The following DCLK1 variants were observed in gnomAD, a reference collection of about 807,000 sequenced individuals.
DCLK1 encodes the protein serine/threonine-protein kinase DCLK1.
Under a neutral mutation model 86.2 loss-of-function variants are expected in DCLK1, and 16 were observed. The ratio of observed to expected loss-of-function variants is 0.19; its 90% confidence interval spans 0.13 to 0.28. DCLK1 has a LOEUF of 0.28. Ranked by LOEUF, DCLK1 falls within the 10% of genes least tolerant of loss-of-function variation. The probability of loss-of-function intolerance (pLI) is 1.00; values close to 1 mark genes in which losing one functional copy is unlikely to be tolerated. For missense variants in DCLK1, 590 were observed against 940.2 expected, an observed-to-expected ratio of 0.63 and a Z score of 4.87; for synonymous variants, 369 against 370.5, an observed-to-expected ratio of 1.00 and a Z score of 0.05.
chr13:36,069,592 C>T (rs1201725180), intron 3 of DCLK1, among the ~76,000 whole-genome samples: 1 of 152,138 alleles, frequency 6.6e-6, no homozygotes, highest in Non-Finnish European at 1.5e-5. Context: ...TTCCCATCCC[C>T]TCCACCCATC....
chr13:35,816,499 C>T (rs1314429896), intron 11 of DCLK1, among the ~76,000 whole-genome samples: 2 of 152,178 alleles, frequency 1.3e-5, no homozygotes, highest in African/African-American at 4.8e-5. Flanking sequence ...ATTTATTGTA[C>T]ACACAGGACA....
intron 4 of DCLK1, among the ~76,000 whole-genome samples, chr13:35,932,189 CTTTT>C (rs1209118770): frequency 6.6e-6 from 1 of 152,068 alleles, no homozygotes; most frequent in Non-Finnish European, 1.5e-5. Flanking sequence ...AGAAATTTAC[CTTTT>C]TCCTTCTGTC....
chr13:35,947,842 A>G (rs527557608), intron 3 of DCLK1, among the ~76,000 whole-genome samples: 1 of 152,340 alleles, frequency 6.6e-6, no homozygotes, highest in Non-Finnish European at 1.5e-5. Flanking sequence ...ATGTTTAGTA[A>G]TTGATGCTGT....
At chr13:35,862,134 C>G (rs1442266564) in intron 5 of DCLK1, among the ~76,000 whole-genome samples, 1 of 151,818 alleles carries the variant, frequency 6.6e-6, no homozygotes, top group African/African-American at 2.4e-5. Context: ...CGGGGAGGTA[C>G]CTTATGTTTC....
chr13:36,021,758 T>G (rs1593824852), intron 3 of DCLK1, among the ~76,000 whole-genome samples: 1 of 152,060 alleles, frequency 6.6e-6, no homozygotes, highest in Non-Finnish European at 1.5e-5. Flanking sequence ...AAGGAAAAAC[T>G]GACAGAATTG....
chr13:36,021,669 G>A (rs1443337301), intron 3 of DCLK1, among the ~76,000 whole-genome samples: 8 of 151,950 alleles, frequency 5.3e-5, no homozygotes, highest in Admixed American at 6.6e-5. Context: ...ATTTTTTAAC[G>A]ACAAAGGGTC....
At chr13:36,080,733 T>C (rs1884393714) in intron 3 of DCLK1, among the ~76,000 whole-genome samples, 2 of 152,246 alleles carry the variant, frequency 1.3e-5, no homozygotes, top group African/African-American at 2.4e-5. Flanking sequence ...ACAGTTATTT[T>C]TGCAACACAC....
At chr13:35,935,239 G>T (rs374199162) in intron 4 of DCLK1, among the ~76,000 whole-genome samples, 1 of 152,216 alleles carries the variant, frequency 6.6e-6, no homozygotes, top group Admixed American at 6.5e-5. Flanking sequence ...ATATAACCCA[G>T]TCAGACTACA....
intron 5 of DCLK1, 114 bp downstream of exon 5, chr13:35,871,110 A>T (rs772344020): frequency 9.3e-5 from 77 of 829,560 alleles, no homozygotes; most frequent in Non-Finnish European, 1.4e-4. Context: ...TTCTAAAATT[A>T]TAAACCGGAA....
At chr13:35,919,335 G>A (rs943471812) in intron 4 of DCLK1, among the ~76,000 whole-genome samples, 1 of 152,040 alleles carries the variant, frequency 6.6e-6, no homozygotes, top group East Asian at 1.9e-4. Flanking sequence ...CAGGCTTGTA[G>A]CGTCTAAGGC....
At chr13:36,008,035 A>G (rs550896490) in intron 3 of DCLK1, among the ~76,000 whole-genome samples, 130 of 151,794 alleles carry the variant, frequency 8.6e-4, no homozygotes, top group African/African-American at 2.9e-3. Flanking sequence ...GTTTCTTCTT[A>G]TGAACAAAAT....
intron 4 of DCLK1, among the ~76,000 whole-genome samples, chr13:35,914,397 A>T (rs1323243858): frequency 1.4e-5 from 2 of 143,272 alleles, no homozygotes. Context: ...ATATAAGCAA[A>T]ATTATTGCTA....
intron 3 of DCLK1, among the ~76,000 whole-genome samples, chr13:36,082,305 T>C (rs1238846628): frequency 6.6e-6 from 1 of 152,160 alleles, no homozygotes; most frequent in Non-Finnish European, 1.5e-5. Flanking sequence ...TTATATTTTA[T>C]CTTAATAATA....
intron 4 of DCLK1, among the ~76,000 whole-genome samples, chr13:35,882,999 T>C (rs1217041366): frequency 6.6e-6 from 1 of 151,992 alleles, no homozygotes; most frequent in Non-Finnish European, 1.5e-5. Flanking sequence ...TCAGAGAAGG[T>C]CTCTTGGTGT....
At chr13:35,989,269 CTTCTTA>C (rs1458369849) in intron 3 of DCLK1, among the ~76,000 whole-genome samples, 2 of 151,966 alleles carry the variant, frequency 1.3e-5, no homozygotes. Flanking sequence ...TGACTTTCTT[CTTCTTA>C]TTATTATTTT....
At chr13:35,795,694 G>A (rs1293164051) in intron 15 of DCLK1, among the ~76,000 whole-genome samples, 1 of 152,146 alleles carries the variant, frequency 6.6e-6, no homozygotes, top group Non-Finnish European at 1.5e-5. Context: ...GCCGAGGCAG[G>A]TGGATCACCT....
At chr13:35,918,323 G>A (rs188453375) in intron 4 of DCLK1, among the ~76,000 whole-genome samples, 16 of 152,288 alleles carry the variant, frequency 1.1e-4, no homozygotes, top group African/African-American at 3.4e-4. Context: ...GGTAATACCC[G>A]GCAGACAGAT....
intron 3 of DCLK1, among the ~76,000 whole-genome samples, chr13:36,053,298 C>CA (rs1883190136): frequency 6.6e-6 from 1 of 152,034 alleles, no homozygotes; most frequent in South Asian, 2.1e-4. Flanking sequence ...GCGAGCGGGG[C>CA]AGGTATGTAC....
intron 6 of DCLK1, chr13:35,846,497 A>T (rs1212296932): frequency 1.0e-6 from 1 of 985,260 alleles, no homozygotes; most frequent in Non-Finnish European, 1.2e-6. Flanking sequence ...ATCTACTAAA[A>T]TGAACCACAT....
Sources: allele counts gnomAD v4.1 joint callset (sites outside exome capture counted in the v4.1 genomes callset), GRCh38; gene constraint gnomAD v4.1.1; transcripts MANE v1.5; gene names NCBI Gene and HGNC (gene_info 2026-07-23, HGNC 2026-07-21).